Variants in TLN2 observed in about 807,000 individuals in gnomAD.
TLN2 encodes the protein talin-2.
A neutral mutation model predicts 294.7 loss-of-function variants in TLN2; 118 were observed. That is an observed-to-expected ratio of 0.40 (90% confidence interval 0.34 to 0.47). The LOEUF (loss-of-function observed/expected upper bound fraction) is 0.47. Among genes scored for constraint, TLN2 ranks in the 20% least tolerant of loss-of-function variants. TLN2 has a pLI of 0.84. For synonymous variants in TLN2, 1,431 were observed against 1,304.5 expected, an observed-to-expected ratio of 1.10 and a Z score of -2.09; for missense variants, 3,083 against 3,282.2, an observed-to-expected ratio of 0.94 and a Z score of 1.48.
intron 29 of TLN2, among the ~76,000 whole-genome samples, chr15:62,737,988 T>G (rs2061119637): frequency 6.6e-6 from 1 of 152,190 alleles, no homozygotes; most frequent in Non-Finnish European, 1.5e-5. Context: ...TGTGTCACTG[T>G]GTCGGACCCT....
intron 1 of TLN2, among the ~76,000 whole-genome samples, chr15:62,543,090 G>T (rs1046886401): frequency 1.3e-5 from 2 of 152,142 alleles, no homozygotes; most frequent in African/African-American, 4.8e-5. Context: ...GCCATCCACA[G>T]ATGGCCACTA....
chr15:62,474,767 C>T (rs906838412), intron 1 of TLN2, among the ~76,000 whole-genome samples: 2 of 152,144 alleles, frequency 1.3e-5, no homozygotes, highest in African/African-American at 2.4e-5. Flanking sequence ...TGGCTTCTCA[C>T]GTTTGAGAGT....
chr15:62,556,599 A>G (rs75026269), intron 1 of TLN2, among the ~76,000 whole-genome samples: 2,789 of 152,246 alleles, frequency 0.018, 86 homozygotes, highest in African/African-American at 0.063. Context: ...ATGTCCAGCT[A>G]AACAAATGCC....
intron 1 of TLN2, among the ~76,000 whole-genome samples, chr15:62,472,520 G>A (rs2037538929): frequency 6.6e-6 from 1 of 152,198 alleles, no homozygotes; most frequent in African/African-American, 2.4e-5. Flanking sequence ...AGTATGGGGT[G>A]TGGGCCATCC....
chr15:62,809,279 G>A (rs1053480921), intron 51 of TLN2, among the ~76,000 whole-genome samples: 2 of 152,168 alleles, frequency 1.3e-5, no homozygotes, highest in African/African-American at 4.8e-5. Context: ...AAGTTAGCAG[G>A]TCGTAAGTAC....
intron 1 of TLN2, among the ~76,000 whole-genome samples, chr15:62,576,315 C>A (rs550951761): frequency 6.6e-6 from 1 of 151,862 alleles, no homozygotes; most frequent in African/African-American, 2.4e-5. Flanking sequence ...CAAATAATAT[C>A]ATTTATGGGG....
intron 1 of TLN2, among the ~76,000 whole-genome samples, chr15:62,401,035 C>G (rs1338070316): frequency 6.6e-6 from 1 of 152,040 alleles, no homozygotes; most frequent in Non-Finnish European, 1.5e-5. Context: ...AGGCTGGTCT[C>G]AAACTCCTGA....
At chr15:62,665,152 T>A (rs1422827782) in intron 9 of TLN2, among the ~76,000 whole-genome samples, 2 of 152,034 alleles carry the variant, frequency 1.3e-5, no homozygotes, top group Non-Finnish European at 2.9e-5. Flanking sequence ...AGCCTCCACC[T>A]CTCTGGTGCA....
At chr15:62,469,965 A>C (rs1040881723) in intron 1 of TLN2, among the ~76,000 whole-genome samples, 3 of 148,432 alleles carry the variant, frequency 2.0e-5, no homozygotes, top group Non-Finnish European at 3.0e-5. Context: ...TGAGAGAGAG[A>C]GCGAGAGAGA....
chr15:62,756,463 C>T (rs2062256820), intron 37 of TLN2, among the ~76,000 whole-genome samples: 1 of 152,150 alleles, frequency 6.6e-6, no homozygotes, highest in African/African-American at 2.4e-5. Context: ...CAACAGACCG[C>T]AGGCAGAAGG....
intron 54 of TLN2, chr15:62,827,636 T>A (rs1429601096): frequency 2.0e-5 from 3 of 152,198 alleles, no homozygotes; most frequent in Non-Finnish European, 4.4e-5. Flanking sequence ...TACTGATTTG[T>A]GGGTTTTACT....
chr15:62,687,806 T>G (rs530131568), intron 12 of TLN2: 1 of 152,328 alleles, frequency 6.6e-6, no homozygotes, highest in African/African-American at 2.4e-5. Context: ...TAAGGAATCA[T>G]CAGAAAACAT....
In TLN2 at chr15:62,766,405, G is replaced by A; in HGVS notation, c.5179G>A (p.Ala1727Thr). The change falls in exon 41 of 59, where the codon GCT (alanine) becomes ACT (threonine). Residue 1727 changes from alanine to threonine, a missense_variant. Transcript: ENST00000636159. Reference protein sequence around the residue: ...PIATAARGEAAQLGHKVTQLA... With the variant: ...PIATAARGEATQLGHKVTQLA... Reference sequence around the variant, plus strand: ...CGCCACAGCGGCTCGGGGAGAAGCAGCTCAGCTGGGACATAAGGTAATGCA... The same window carrying A: ...CGCCACAGCGGCTCGGGGAGAAGCAACTCAGCTGGGACATAAGGTAATGCA... 1 of 1,611,630 alleles carries A rather than the reference G, an allele frequency of 6.2e-7. No individual in the cohort carries two copies. Among genetic ancestry groups the A allele is most frequent in the Non-Finnish European group, 8.5e-7 (1 of 1,177,918 alleles).
chr15:62,396,941 G>A (rs1042979726), intron 1 of TLN2, among the ~76,000 whole-genome samples: 1 of 152,272 alleles, frequency 6.6e-6, no homozygotes, highest in African/African-American at 2.4e-5. Context: ...TTGGGCTCAG[G>A]CAGTCCACCT....
At chr15:62,624,743 G>C (rs994432591) in intron 3 of TLN2, among the ~76,000 whole-genome samples, 1 of 152,144 alleles carries the variant, frequency 6.6e-6, no homozygotes, top group African/African-American at 2.4e-5. Flanking sequence ...ATGTGTGTAC[G>C]CACACAATTA....
chr15:62,611,206 G>A (rs1213748587), intron 2 of TLN2, among the ~76,000 whole-genome samples: 1 of 152,004 alleles, frequency 6.6e-6, no homozygotes, highest in Non-Finnish European at 1.5e-5. Flanking sequence ...AATAATGCAA[G>A]TGTCATCAAA....
chr15:62,609,401 C>G (rs540565109), intron 2 of TLN2, among the ~76,000 whole-genome samples: 1 of 152,316 alleles, frequency 6.6e-6, no homozygotes, highest in South Asian at 2.1e-4. Flanking sequence ...AATGTCCCAG[C>G]CATGTCCTTT....
intron 3 of TLN2, chr15:62,644,500 C>T (rs1051607855): frequency 4.4e-6 from 2 of 455,908 alleles, no homozygotes; most frequent in Non-Finnish European, 8.8e-6. Flanking sequence ...CACTGAATAC[C>T]TCTCAAGGAA....
At position 62,711,141 on chromosome 15, in the gene TLN2, A is replaced by C. The variant is rs575452994; in HGVS notation, c.2468-770A>C. Among the ~76,000 whole-genome samples the C allele has an allele frequency of 2.9e-4, 44 of 152,276 alleles. 1 individual carries two copies. Among genetic ancestry groups the C allele is most frequent in the African/African-American group, 8.2e-4 (34 of 41,566 alleles). ...CCCCTTTTTGTTATAGTGCTTCGGC[A>C]TTCTTCTCAGATGACCTTTGCTAGA... is the stretch of plus-strand genomic sequence containing the variant. On this transcript the variant is annotated intron_variant, in intron 21 of 58. Coordinates refer to ENST00000636159, the MANE Select transcript of TLN2 (RefSeq NM_015059.3).
Sources: allele counts gnomAD v4.1 joint callset (sites outside exome capture counted in the v4.1 genomes callset), GRCh38; gene constraint gnomAD v4.1.1; transcripts MANE v1.5; gene names NCBI Gene and HGNC (gene_info 2026-07-23, HGNC 2026-07-21).